The following ARHGEF10 variants were observed in gnomAD, a reference collection of about 807,000 sequenced individuals.
ARHGEF10 encodes the protein Rho guanine nucleotide exchange factor (GEF) 10.
Under a neutral mutation model 147.4 loss-of-function variants are expected in ARHGEF10, and 140 were observed. The observed-to-expected ratio is 0.95, with a 90% CI of 0.83 to 1.09. The LOEUF (loss-of-function observed/expected upper bound fraction) is 1.09, where lower values mean the gene tolerates loss of function less well. ARHGEF10 is among the 50% of genes least tolerant of loss of function. The pLI is 0.00. For synonymous variants in ARHGEF10, 902 were observed against 695.8 expected, an observed-to-expected ratio of 1.30 and a Z score of -4.67; for missense variants, 2,222 against 1,752.7, an observed-to-expected ratio of 1.27 and a Z score of -4.78.
intron 17 of ARHGEF10, among the ~76,000 whole-genome samples, chr8:1,907,081 G>A (rs934441945): frequency 1.4e-4 from 22 of 152,200 alleles, no homozygotes; most frequent in Admixed American, 1.3e-4. Context: ...CTGACGGAGT[G>A]AGGCCGTGGG....
intron 20 of ARHGEF10, 53 bp downstream of exon 20, chr8:1,923,648 G>C (rs1387370929): frequency 1.2e-6 from 2 of 1,613,990 alleles, no homozygotes; most frequent in African/African-American, 1.3e-5. Context: ...GGGAGAAAAT[G>C]GTTCTTTGTC....
chr8:1,928,330 A>G (rs992864602), intron 23 of ARHGEF10, 97 bp from the exon 24 acceptor site: 60 of 1,105,360 alleles, frequency 5.4e-5, no homozygotes, highest in Non-Finnish European at 7.9e-5. Context: ...TCACATGAAA[A>G]TCGAAGCTTG....
At chr8:1,883,729 A>G (rs1808410880) in intron 10 of ARHGEF10, among the ~76,000 whole-genome samples, 1 of 152,146 alleles carries the variant, frequency 6.6e-6, no homozygotes, top group Non-Finnish European at 1.5e-5. Context: ...ATGAGGTGCC[A>G]TGAGGTGCTC....
intron 25 of ARHGEF10, among the ~76,000 whole-genome samples, chr8:1,932,275 T>G (rs1813208085): frequency 6.6e-6 from 1 of 151,604 alleles, no homozygotes. Context: ...GTGAGGGGTG[T>G]GCATTGTGTG....
intron 26 of ARHGEF10, among the ~76,000 whole-genome samples, chr8:1,934,371 A>AG (rs1219524167): frequency 6.6e-6 from 1 of 151,448 alleles, no homozygotes; most frequent in African/African-American, 2.4e-5. Context: ...AAAAAAAAAA[A>AG]AGGAAAGGGA....
chr8:1,827,507 T>C (rs1045992237), intron 1 of ARHGEF10, among the ~76,000 whole-genome samples: 12 of 152,162 alleles, frequency 7.9e-5, no homozygotes, highest in African/African-American at 2.4e-4. Context: ...GGTTTTGCCA[T>C]GTTGGCCAGG....
intron 1 of ARHGEF10, among the ~76,000 whole-genome samples, chr8:1,830,042 C>T (rs1442214095): frequency 2.6e-5 from 4 of 152,236 alleles, no homozygotes; most frequent in Non-Finnish European, 1.5e-5. Context: ...TGCCAGCCGT[C>T]AGAGGGCTGC....
At position 1,956,930 on chromosome 8, in the gene ARHGEF10, G is replaced by T. The variant is rs149039734; in HGVS notation, c.3702G>T (p.Gln1234His). 1.2e-6 allele frequency: 2 copies of T among 1,614,200 alleles called. No homozygotes were observed. Among genetic ancestry groups the T allele is most frequent in the Non-Finnish European group, 8.5e-7 (1 of 1,180,038 alleles). Residue 1234 changes from glutamine (Q) to histidine (H), a missense_variant, in exon 29 of 29, where the codon CAG becomes CAT. By Grantham distance (24) the Gln-to-His change is conservative. Transcript: ENST00000349830. ...GAGGAGCTGGTTCATCTCTGAGCCA[G>T]GGTGACCCTGACGCAGCCATCTGGT... Reference protein sequence around the residue: ...PSGGAGSSLSQGDPDAAIWLG... With the variant: ...PSGGAGSSLSHGDPDAAIWLG...
intron 2 of ARHGEF10, among the ~76,000 whole-genome samples, chr8:1,845,771 A>C (rs1804511908): frequency 6.6e-6 from 1 of 152,178 alleles, no homozygotes; most frequent in African/African-American, 2.4e-5. Context: ...GGTCTCCACG[A>C]CCAGAACTGG....
chr8:1,882,687 G>T lies in ARHGEF10; in HGVS notation c.1013G>T (p.Arg338Met). Residue 338 changes from arginine (R) to methionine (M), a missense_variant, in exon 10 of 29, where the codon AGG becomes ATG. Coordinates refer to ENST00000349830, the MANE Select transcript of ARHGEF10 (RefSeq NM_014629.4). ...AKDGTKDGLE[R>M]TRAAVKRGRS... ...GACGGCACCAAGGACGGGCTGGAGA[G>T]GACCAGGGCAGCCGTGAAGAGGGGC... 1 of 1,557,554 alleles carries T rather than the reference G, an allele frequency of 6.4e-7. No homozygotes were observed. The highest frequency in any genetic ancestry group is 8.7e-7 in the Non-Finnish European group (1 of 1,150,012).
In ARHGEF10 at chr8:1,860,034, A is replaced by T. The variant is rs1282754954; in HGVS notation, c.331A>T (p.Ser111Cys). The T allele has an allele frequency of 6.2e-7, 1 of 1,613,838 alleles. No homozygotes were observed. The highest frequency in any genetic ancestry group is 8.5e-7 in the Non-Finnish European group (1 of 1,179,946). The change falls in exon 4 of 29, where the codon AGC becomes TGC. Residue 111 changes from serine (S) to cysteine (C), a missense_variant. Coordinates refer to ENST00000349830, the MANE Select transcript of ARHGEF10 (RefSeq NM_014629.4). ...GGACCAGCCGCCCACCCCCGTGCCC[A>T]GCGCTGAGGAGGAGAATGTGGGTCT... ...QEDQPPTPVP[S>C]AEEENVGLHV...
At chr8:1,935,587 A>T (rs1463366411) in intron 26 of ARHGEF10, among the ~76,000 whole-genome samples, 1 of 152,212 alleles carries the variant, frequency 6.6e-6, no homozygotes, top group African/African-American at 2.4e-5. Context: ...GTCTTAGGGC[A>T]GCCCCTCCGG....
chr8:1,843,165 G>A (rs983632922), intron 1 of ARHGEF10, among the ~76,000 whole-genome samples, 188 bp from the exon 2 acceptor site: 1 of 152,208 alleles, frequency 6.6e-6, no homozygotes, highest in Non-Finnish European at 1.5e-5. Flanking sequence ...CTTTTGTTTT[G>A]CTCTTGAATG....
chr8:1,834,436 T>C (rs1803460254), intron 1 of ARHGEF10, among the ~76,000 whole-genome samples: 1 of 151,936 alleles, frequency 6.6e-6, no homozygotes, highest in South Asian at 2.1e-4. Flanking sequence ...GGGAGGACCC[T>C]GGAGAGAGGG....
chr8:1,923,605 A>T lies in ARHGEF10; in HGVS notation c.2387+10A>T. 5 of 1,614,162 alleles carry T rather than the reference A, an allele frequency of 3.1e-6. No individual in the cohort carries two copies. The highest frequency in any genetic ancestry group is 4.2e-6 in the Non-Finnish European group (5 of 1,180,050). ...CCGGGAAGCAGGACAAGTTAGTAGT[A>T]GCTTTAAAACGAAACCTTCTTGGCC... On this transcript the variant is annotated intron_variant, in intron 20 of 28. Coordinates refer to ENST00000349830, the MANE Select transcript of ARHGEF10 (RefSeq NM_014629.4).
chr8:1,887,144 C>T (rs958800861), intron 11 of ARHGEF10, among the ~76,000 whole-genome samples: 6 of 152,162 alleles, frequency 3.9e-5, no homozygotes, highest in African/African-American at 1.4e-4. Flanking sequence ...GGTGAGGACA[C>T]ACCATGTGAG....
At chr8:1,851,104 A>G (rs1805101908) in intron 2 of ARHGEF10, among the ~76,000 whole-genome samples, 1 of 152,334 alleles carries the variant, frequency 6.6e-6, no homozygotes, top group South Asian at 2.1e-4. Flanking sequence ...TGGTGCATCC[A>G]TGTCATTACA....
intron 1 of ARHGEF10, among the ~76,000 whole-genome samples, chr8:1,830,690 C>G (rs62477468): frequency 0.45 from 67,648 of 152,018 alleles, 15,365 homozygotes; most frequent in Middle Eastern, 0.56. Flanking sequence ...GCACCCTTGT[C>G]TTCAGGAAAG....
In ARHGEF10 at chr8:1,876,702, A is replaced by G; in HGVS notation, c.811A>G (p.Arg271Gly). 6.2e-7 allele frequency: 1 copy of G among 1,614,226 alleles called. No individual in the cohort carries two copies. ...SDSECKNGIP[R>G]SFLRSNHKKQ... Reference sequence around the variant, plus strand: ...CTCGGAGTGCAAGAATGGGATTCCCAGGTCCTTCCTGCGCAGCAACCACAA... The same window carrying G: ...CTCGGAGTGCAAGAATGGGATTCCCGGGTCCTTCCTGCGCAGCAACCACAA... Residue 271 changes from arginine to glycine, a missense_variant, in exon 8 of 29, where the codon AGG becomes GGG. By Grantham distance (125) the Arg-to-Gly change is moderately radical. Coordinates refer to ENST00000349830, the MANE Select transcript of ARHGEF10 (RefSeq NM_014629.4).
Sources: allele counts gnomAD v4.1 joint callset (sites outside exome capture counted in the v4.1 genomes callset), GRCh38; gene constraint gnomAD v4.1.1; transcripts MANE v1.5; gene names NCBI Gene and HGNC (gene_info 2026-07-23, HGNC 2026-07-21).